SLC25A48: variants seen among roughly 807,000 people sequenced by gnomAD.
SLC25A48 encodes CTC-321K16.1.
SLC25A48 carries 29 observed loss-of-function variants against 32.2 expected under a neutral mutation model. The ratio of observed to expected loss-of-function variants is 0.90; its 90% confidence interval spans 0.67 to 1.23. SLC25A48 has a LOEUF of 1.23. Ranked by LOEUF, SLC25A48 falls within the 50% of genes most tolerant of loss-of-function variation. SLC25A48 has a pLI of 0.00. For missense variants in SLC25A48, 399 were observed against 422.7 expected (o/e 0.94, Z 0.49); for synonymous variants, 164 against 172.3 (o/e 0.95, Z 0.38).
intron 3 of SLC25A48, among the ~76,000 whole-genome samples, chr5:135,764,328 C>T (rs949641610): frequency 6.6e-6 from 1 of 151,982 alleles, no homozygotes; most frequent in East Asian, 1.9e-4. Flanking sequence ...GTACACCCCC[C>T]TGTGATATGG....
intron 3 of SLC25A48, among the ~76,000 whole-genome samples, chr5:135,797,721 C>A (rs538485371): frequency 1.3e-5 from 2 of 151,176 alleles, no homozygotes. Flanking sequence ...AAGTGTAAAC[C>A]CCCCCCGTGA....
upstream of SLC25A48, among the ~76,000 whole-genome samples, chr5:135,832,075 T>C (rs1758227615): frequency 6.6e-6 from 1 of 152,062 alleles, no homozygotes; most frequent in Non-Finnish European, 1.5e-5. Flanking sequence ...TTCTCTAAGT[T>C]GAAGAGGCAC....
intron 1 of SLC25A48, among the ~76,000 whole-genome samples, chr5:135,625,923 T>G (rs1054938118): frequency 5.9e-5 from 9 of 152,138 alleles, no homozygotes; most frequent in African/African-American, 2.2e-4. Flanking sequence ...ATCTCTCCTG[T>G]AGGTATCTCC....
rs555355200 is a variant in SLC25A48 at position 135,658,608 on chromosome 5, C to A, written c.-521+23652C>A. 1.9e-3 allele frequency among the ~76,000 whole-genome samples: 290 copies of A among 152,322 alleles called. 1 individual carries two copies. Among genetic ancestry groups the A allele is most frequent in the African/African-American group, 6.4e-3 (266 of 41,572 alleles). ...TGGGGACTGTCTGTGGGCGCTCCAA[C>A]CCCACATGTCTCCTCTGCACTGCCC... On this transcript the variant is annotated intron_variant, in intron 3 of 10. Coordinates refer to the SLC25A48 transcript ENST00000646290.
intron 3 of SLC25A48, among the ~76,000 whole-genome samples, chr5:135,673,463 C>A (rs1259417524): frequency 6.6e-6 from 1 of 152,090 alleles, no homozygotes; most frequent in Non-Finnish European, 1.5e-5. Flanking sequence ...ATTTGTATTT[C>A]TCTAACAACT....
At chr5:135,755,801 C>A (rs997132978) in intron 3 of SLC25A48, among the ~76,000 whole-genome samples, 1 of 151,410 alleles carries the variant, frequency 6.6e-6, no homozygotes, top group Non-Finnish European at 1.5e-5. Context: ...AATGAAATAT[C>A]GCTGCGACAT....
intron 5 of SLC25A48, among the ~76,000 whole-genome samples, chr5:135,873,348 G>A (rs1314703609): frequency 6.6e-6 from 1 of 152,178 alleles, no homozygotes; most frequent in Non-Finnish European, 1.5e-5. Flanking sequence ...ACCTGGCATT[G>A]TTTTCCTAGA....
chr5:135,630,802 A>G (rs1752547864), intron 2 of SLC25A48, among the ~76,000 whole-genome samples: 2 of 151,870 alleles, frequency 1.3e-5, no homozygotes, highest in Admixed American at 1.3e-4. Context: ...GGGTTTCACC[A>G]TGTTGGCCAG....
chr5:135,697,934 G>A (rs1754304947), intron 3 of SLC25A48, among the ~76,000 whole-genome samples: 1 of 152,166 alleles, frequency 6.6e-6, no homozygotes, highest in Admixed American at 6.5e-5. Context: ...TCCCCTCACG[G>A]CTTCCCATTG....
At chr5:135,760,315 C>T (rs1420952066) in intron 3 of SLC25A48, among the ~76,000 whole-genome samples, 2 of 152,158 alleles carry the variant, frequency 1.3e-5, no homozygotes, top group Admixed American at 1.3e-4. Context: ...AGCCCTGGCT[C>T]AGTTGCCAAC....
chr5:135,830,140 C>G (rs1042878757), upstream of SLC25A48, among the ~76,000 whole-genome samples: 2 of 152,194 alleles, frequency 1.3e-5, no homozygotes, highest in African/African-American at 4.8e-5. Flanking sequence ...GGGCCAGCAT[C>G]TCCTCCACGG....
At chr5:135,654,225 A>G (rs1303375269) in intron 3 of SLC25A48, among the ~76,000 whole-genome samples, 1 of 152,286 alleles carries the variant, frequency 6.6e-6, no homozygotes, top group East Asian at 1.9e-4. Flanking sequence ...AAATGGCATC[A>G]TGTATTGGTT....
chr5:135,686,588 C>T (rs560136821), intron 3 of SLC25A48, among the ~76,000 whole-genome samples: 28 of 152,350 alleles, frequency 1.8e-4, no homozygotes, highest in East Asian at 5.8e-4. Context: ...AACCTGTCTC[C>T]GCAGACCGAA....
At chr5:135,809,686 C>T (rs1038036176) in intron 3 of SLC25A48, among the ~76,000 whole-genome samples, 4 of 152,176 alleles carry the variant, frequency 2.6e-5, no homozygotes, top group African/African-American at 7.2e-5. Context: ...TGTCCTCTGT[C>T]CATGTGGATT....
chr5:135,625,133 G>C (rs1337085862), intron 1 of SLC25A48, among the ~76,000 whole-genome samples: 1 of 152,074 alleles, frequency 6.6e-6, no homozygotes, highest in East Asian at 1.9e-4. Context: ...TTGGGGAAGG[G>C]TGCAGCCCTG....
chr5:135,777,487 AG>A (rs1312996384), intron 3 of SLC25A48, among the ~76,000 whole-genome samples: 1 of 151,050 alleles, frequency 6.6e-6, no homozygotes, highest in African/African-American at 2.4e-5. Context: ...TCTAATATCC[AG>A]GGGGGAGAGG....
Position 135,779,617 on chromosome 5 carries a change from T to G in SLC25A48, c.-520-32906T>G, listed in dbSNP as rs1392403546. ...ATGTACACTCCCTACATAATATTGT[T>G]TTTAATATCCAGAAGTGGAGAGGAT... On this transcript the variant is annotated intron_variant, in intron 3 of 10. Transcript: ENST00000646290. Among the ~76,000 whole-genome samples the G allele has an allele frequency of 1.6e-4, 19 of 117,174 alleles. 3 individuals are homozygous for G. Among genetic ancestry groups the G allele is most frequent in the African/African-American group, 4.4e-4 (17 of 38,502 alleles). The allele number at this position is 117,174 out of a possible 152,430, so 76.9% of individuals were successfully genotyped here.
At chr5:135,887,405 C>T (rs762323946) in intron 7 of SLC25A48, among the ~76,000 whole-genome samples, 2 of 151,966 alleles carry the variant, frequency 1.3e-5, no homozygotes, top group South Asian at 2.1e-4. Context: ...GTTTTGACCT[C>T]GTGGGTCCTC....
chr5:135,888,254 A>T lies in SLC25A48; in HGVS notation c.*230A>T. 1.8e-6 allele frequency: 1 copy of T among 551,724 alleles called. No homozygotes were observed. The highest frequency in any genetic ancestry group is 3.0e-5 in the Admixed American group (1 of 33,312). The allele number at this position is 551,724 out of a possible 1,614,324, so 34.2% of individuals were successfully genotyped here. On this transcript the variant is annotated 3_prime_UTR_variant, in exon 8 of 8. Coordinates refer to ENST00000681962, the MANE Select transcript of SLC25A48 (RefSeq NM_001349336.2). ...TCTGATCCCCAATGCCCACTCTGCT[A>T]GGCTGGCATCAAAGAGCTTTCCAAG...
Sources: gnomAD v4.1 joint callset for allele counts (sites outside exome capture counted in the v4.1 genomes callset) on GRCh38, gnomAD v4.1.1 for gene constraint, MANE v1.5 for transcripts, NCBI Gene and HGNC (gene_info 2026-07-23, HGNC 2026-07-21) for gene names.